Variants in PHAF1 observed in about 807,000 individuals in gnomAD.
The protein encoded by PHAF1 is phagosome assembly factor 1.
PHAF1 carries 23 observed loss-of-function variants against 63.1 expected under a neutral mutation model. The observed-to-expected ratio is 0.36, with a 90% CI of 0.26 to 0.52. The LOEUF is 0.52. PHAF1 is among the 20% of genes least tolerant of loss of function. The pLI, the probability that PHAF1 is intolerant of heterozygous loss-of-function variation, is 0.93. For missense variants in PHAF1, 427 were observed against 517.2 expected (o/e 0.83, Z 1.69); for synonymous variants, 167 against 185.0 (o/e 0.90, Z 0.79).
intron 12 of PHAF1, 136 bp downstream of exon 12, chr16:67,145,013 A>G: frequency 8.8e-7 from 1 of 1,131,680 alleles, no homozygotes. Flanking sequence ...GGGTGGGCTC[A>G]TTGTTCTGGG....
At chr16:67,119,676 C>T (rs1273762854) in intron 1 of PHAF1, among the ~76,000 whole-genome samples, 4 of 150,578 alleles carry the variant, frequency 2.7e-5, no homozygotes, top group East Asian at 3.9e-4. Context: ...GCAGCCACCT[C>T]GCCTGGCTAA....
At chr16:67,138,255 G>A (rs1963680568) in intron 8 of PHAF1, among the ~76,000 whole-genome samples, 1 of 152,062 alleles carries the variant, frequency 6.6e-6, no homozygotes, top group African/African-American at 2.4e-5. Context: ...ACTTTTGGTG[G>A]GTTCTATAGG....
chr16:67,134,600 C>T, intron 8 of PHAF1, 133 bp downstream of exon 8: 1 of 833,680 alleles, frequency 1.2e-6, no homozygotes, highest in South Asian at 1.4e-5. Context: ...TGAGTGGCTG[C>T]TAAACAACAA....
intron 3 of PHAF1, among the ~76,000 whole-genome samples, chr16:67,127,239 T>A (rs1963228939): frequency 6.6e-6 from 1 of 152,156 alleles, no homozygotes; most frequent in African/African-American, 2.4e-5. Flanking sequence ...ACCAGAGTCA[T>A]GCCTCAAAGT....
chr16:67,134,160 G>A lies in PHAF1; in HGVS notation c.451-8G>A. On this transcript the variant is annotated splice_region_variant and splice_polypyrimidine_tract_variant and intron_variant, in intron 6 of 15. Transcript: ENST00000219139. ...GCCCTAAGTAAAACTCTTGACCTTT[G>A]TTTGCAGCCCAATTTTGCCCATGGC... 1 of 1,612,202 alleles carries A rather than the reference G, an allele frequency of 6.2e-7. No individual in the cohort carries two copies. The highest frequency in any genetic ancestry group is 8.5e-7 in the Non-Finnish European group (1 of 1,178,512).
At chr16:67,144,425 G>A (rs775930903) in intron 11 of PHAF1, 49 bp downstream of exon 11, 5 of 1,372,276 alleles carry the variant, frequency 3.6e-6, no homozygotes, top group Non-Finnish European at 5.2e-6. Flanking sequence ...GTTTTGGGCT[G>A]AAAACCCCAG....
In PHAF1 at chr16:67,140,070, A is replaced by G. The variant is rs1220947702; in HGVS notation, c.748A>G (p.Ser250Gly). The G allele has an allele frequency of 6.2e-7, 1 of 1,614,120 alleles. No homozygotes were observed. The highest frequency in any genetic ancestry group is 8.5e-7 in the Non-Finnish European group (1 of 1,179,968). ...YFGDSCQDVL[S>G]MLGSPHKVFY... ...TGGTGATTCCTGCCAAGATGTTCTT[A>G]GCATGCTTGGCTCTCCACACAAAGT... The change falls in exon 9 of 16, where the codon AGC (serine) becomes GGC (glycine). Residue 250 changes from serine to glycine, a missense_variant. By Grantham distance (56) the Ser-to-Gly change is moderately conservative. Transcript: ENST00000219139.
intron 8 of PHAF1, chr16:67,135,688 T>A (rs1235909736): frequency 6.6e-6 from 1 of 152,050 alleles, no homozygotes. Context: ...CCCAGAATGA[T>A]CTTGAACTCC....
At chr16:67,146,484 G>C in intron 15 of PHAF1, 134 bp downstream of exon 15, 1 of 930,446 alleles carries the variant, frequency 1.1e-6, no homozygotes, top group Non-Finnish European at 1.7e-6. Context: ...CAGCAACCGT[G>C]TCTGCTGCAT....
chr16:67,111,797 T>C (rs1962525769), intron 1 of PHAF1, among the ~76,000 whole-genome samples: 1 of 152,158 alleles, frequency 6.6e-6, no homozygotes, highest in African/African-American at 2.4e-5. Flanking sequence ...CTAATTTTTG[T>C]ATTTTTAGTA....
At position 67,146,336 on chromosome 16, in the gene PHAF1, C is replaced by T. The variant is rs1025446219; in HGVS notation, c.1168C>T (p.Arg390Ter). 2.5e-6 allele frequency: 4 copies of T among 1,614,064 alleles called. No homozygotes were observed. The highest frequency in any genetic ancestry group is 3.4e-6 in the Non-Finnish European group (4 of 1,179,894). Residue 390 changes from arginine to a stop codon, truncating the protein, a stop_gained, in exon 15 of 16, where the codon CGA becomes TGA. Coordinates refer to ENST00000219139, the MANE Select transcript of PHAF1 (RefSeq NM_025187.5). LOFTEE classifies it high-confidence loss of function. ...FGSTFCFGLQ[R>*]MIFEVMQNNH... ...TTCCACATTCTGCTTTGGTCTTCAG[C>T]GAATGATCTTTGAGGTAAGCTGTGG...
chr16:67,126,178 G>A (rs765678692), intron 3 of PHAF1, 136 bp downstream of exon 3: 1 of 657,800 alleles, frequency 1.5e-6, no homozygotes, highest in African/African-American at 1.8e-5. Flanking sequence ...TCACTACAAT[G>A]TAGGGAACTG....
intron 3 of PHAF1, 130 bp downstream of exon 3, chr16:67,126,172 T>C: frequency 1.5e-6 from 1 of 683,958 alleles, no homozygotes; most frequent in Admixed American, 2.4e-5. Flanking sequence ...CAGAGATCAC[T>C]ACAATGTAGG....
At chr16:67,130,816 T>A (rs1303701347) in intron 3 of PHAF1, among the ~76,000 whole-genome samples, 1 of 152,146 alleles carries the variant, frequency 6.6e-6, no homozygotes, top group Non-Finnish European at 1.5e-5. Flanking sequence ...GACCCAGAAG[T>A]GGACTGCATG....
At chr16:67,132,196 C>G in intron 4 of PHAF1, 1 of 385,314 alleles carries the variant, frequency 2.6e-6, no homozygotes, top group Non-Finnish European at 4.6e-6. Flanking sequence ...CTTCTCTACC[C>G]TTTTCTTAAG....
chr16:67,144,471 T>G (rs1963918079), intron 11 of PHAF1, 95 bp downstream of exon 11: 1 of 863,440 alleles, frequency 1.2e-6, no homozygotes, highest in Admixed American at 2.1e-5. Flanking sequence ...CACTAATTTA[T>G]CTACACCTGA....
chr16:67,146,876 C>T (rs1038797903), intron 15 of PHAF1, among the ~76,000 whole-genome samples, 169 bp from the exon 16 acceptor site: 2 of 152,142 alleles, frequency 1.3e-5, no homozygotes, highest in Non-Finnish European at 2.9e-5. Flanking sequence ...GAGAAACAGG[C>T]AGATCTCAGG....
intron 8 of PHAF1, 92 bp from the exon 9 acceptor site, chr16:67,139,892 G>A: frequency 1.4e-6 from 2 of 1,453,968 alleles, no homozygotes; most frequent in Non-Finnish European, 1.9e-6. Context: ...ACCTAATAAT[G>A]TAGCATGCAG....
rs542931349 is a variant in PHAF1 at position 67,111,475 on chromosome 16, C to T, written c.64+1236C>T. Among the ~76,000 whole-genome samples the T allele has an allele frequency of 2.0e-5, 3 of 152,318 alleles. No individual in the cohort carries two copies. The East Asian group carries it at 5.8e-4, about 29-fold the overall frequency. ...AGCTACTGGACTAAATCAGCTGCTCCATTGGATTATAAATTATCCTTGACT... is the reference window on the plus strand; with the variant it reads ...AGCTACTGGACTAAATCAGCTGCTCTATTGGATTATAAATTATCCTTGACT... On this transcript the variant is annotated intron_variant, in intron 1 of 15. Coordinates refer to ENST00000219139, the MANE Select transcript of PHAF1 (RefSeq NM_025187.5).
Sources: gnomAD v4.1 joint callset for allele counts (sites outside exome capture counted in the v4.1 genomes callset) on GRCh38, gnomAD v4.1.1 for gene constraint, MANE v1.5 for transcripts, NCBI Gene and HGNC (gene_info 2026-07-23, HGNC 2026-07-21) for gene names.